Variants in INSC observed in about 807,000 individuals in gnomAD.
The protein encoded by INSC is INSC spindle orientation adaptor protein.
INSC carries 67 observed loss-of-function variants against 58.6 expected under a neutral mutation model. That is an observed-to-expected ratio of 1.14 (90% CI 0.94 to 1.40). The LOEUF is 1.40. Among genes scored for constraint, INSC ranks in the 40% most tolerant of loss-of-function variants. The pLI is 0.00. For synonymous variants in INSC, 262 were observed against 276.1 expected, an observed-to-expected ratio of 0.95 and a Z score of 0.51; for missense variants, 714 against 692.0, an observed-to-expected ratio of 1.03 and a Z score of -0.36.
intron 9 of INSC, among the ~76,000 whole-genome samples, chr11:15,229,958 A>ATATTT (rs1196715488): frequency 3.1e-5 from 1 of 32,216 alleles, no homozygotes; most frequent in African/African-American, 1.3e-4. Context: ...TTATATATAT[A>ATATTT]TTTATATATA....
At chr11:15,206,400 C>A (rs555410026) in intron 7 of INSC, among the ~76,000 whole-genome samples, 6 of 151,782 alleles carry the variant, frequency 4.0e-5, no homozygotes, top group African/African-American at 1.2e-4. Context: ...GGGAGCCACC[C>A]CAGCAGGGAG....
At chr11:15,179,683 G>A (rs1849693465) in intron 5 of INSC, among the ~76,000 whole-genome samples, 1 of 152,234 alleles carries the variant, frequency 6.6e-6, no homozygotes, top group African/African-American at 2.4e-5. Flanking sequence ...GGAAGGAAGG[G>A]CCACAGGCTG....
intron 6 of INSC, among the ~76,000 whole-genome samples, chr11:15,191,327 A>G (rs1188515704): frequency 1.3e-5 from 2 of 151,836 alleles, no homozygotes; most frequent in African/African-American, 4.8e-5. Flanking sequence ...TTCATTTCCC[A>G]CTTGAGACAG....
chr11:15,239,324 G>A (rs1304655917), intron 11 of INSC, among the ~76,000 whole-genome samples: 1 of 152,174 alleles, frequency 6.6e-6, no homozygotes, highest in Admixed American at 6.5e-5. Flanking sequence ...CCTGCAGACT[G>A]TTAATAAGAA....
At chr11:15,194,472 T>A (rs1850298497) in intron 6 of INSC, among the ~76,000 whole-genome samples, 2 of 152,210 alleles carry the variant, frequency 1.3e-5, no homozygotes, top group Non-Finnish European at 2.9e-5. Flanking sequence ...TACAAGTAGT[T>A]CTGAAGCATG....
At chr11:15,154,811 T>TC (rs1360881619) in intron 2 of INSC, among the ~76,000 whole-genome samples, 1 of 151,976 alleles carries the variant, frequency 6.6e-6, no homozygotes, top group African/African-American at 2.4e-5. Context: ...CCCTTTTTTT[T>TC]TGGACAAAAA....
At chr11:15,143,799 T>A (rs1848428807) in intron 1 of INSC, among the ~76,000 whole-genome samples, 1 of 152,126 alleles carries the variant, frequency 6.6e-6, no homozygotes, top group Admixed American at 6.5e-5. Flanking sequence ...GTATCCAGGA[T>A]AAGTCTCAGG....
intron 1 of INSC, among the ~76,000 whole-genome samples, chr11:15,146,219 A>G (rs1484750591): frequency 6.6e-6 from 1 of 152,258 alleles, no homozygotes. Context: ...CCTTCCAGAT[A>G]TTCTTCCTCA....
chr11:15,179,404 C>T (rs1849683688), intron 5 of INSC, among the ~76,000 whole-genome samples: 1 of 152,192 alleles, frequency 6.6e-6, no homozygotes, highest in African/African-American at 2.4e-5. Context: ...CAAATAAAAG[C>T]CTACCACAAA....
chr11:15,251,611 A>G (rs1852650281), downstream of INSC, among the ~76,000 whole-genome samples: 1 of 152,212 alleles, frequency 6.6e-6, no homozygotes, highest in Admixed American at 6.5e-5. Context: ...ATATCTCTCC[A>G]AAGGAGGCAT....
intron 6 of INSC, among the ~76,000 whole-genome samples, chr11:15,191,874 C>T (rs1057426397): frequency 1.3e-5 from 2 of 152,280 alleles, no homozygotes; most frequent in Non-Finnish European, 1.5e-5. Flanking sequence ...TCTGGGTCCT[C>T]TATTGTTTTT....
chr11:15,189,774 T>G (rs969357916), intron 5 of INSC, among the ~76,000 whole-genome samples: 16 of 152,238 alleles, frequency 1.1e-4, no homozygotes, highest in Admixed American at 9.2e-4. Flanking sequence ...AGTCTCTAAC[T>G]CCATTCTTTC....
intron 5 of INSC, among the ~76,000 whole-genome samples, chr11:15,180,304 G>T (rs1389696176): frequency 6.6e-6 from 1 of 151,482 alleles, no homozygotes; most frequent in East Asian, 1.9e-4. Flanking sequence ...AACAAAAAGG[G>T]CTGAAAAAGA....
intron 2 of INSC, among the ~76,000 whole-genome samples, chr11:15,163,819 C>T (rs1849100457): frequency 6.6e-6 from 1 of 152,220 alleles, no homozygotes; most frequent in East Asian, 1.9e-4. Flanking sequence ...GTCTCGATCT[C>T]CTGACCTCAT....
intron 9 of INSC, 68 bp downstream of exon 9, chr11:15,225,896 C>A: frequency 1.3e-6 from 2 of 1,491,302 alleles, no homozygotes; most frequent in Non-Finnish European, 1.8e-6. Context: ...GAGGCCAGCA[C>A]GTAGTTTCTG....
At chr11:15,260,751 T>G in the INSC span, among the ~76,000 whole-genome samples, 2 of 152,200 alleles carry the variant, frequency 1.3e-5, no homozygotes, top group Admixed American at 6.5e-5. Context: ...CTTTGAGACA[T>G]GCACATCTAG....
the INSC span, among the ~76,000 whole-genome samples, chr11:15,261,500 C>T: frequency 1.3e-5 from 2 of 152,222 alleles, no homozygotes; most frequent in South Asian, 4.1e-4. Context: ...AAATTAAGCA[C>T]CTATTTTGAA....
chr11:15,176,835 T>G (rs1849589265), intron 3 of INSC, among the ~76,000 whole-genome samples: 1 of 152,208 alleles, frequency 6.6e-6, no homozygotes, highest in Admixed American at 6.5e-5. Context: ...AAACTTCTCT[T>G]CATTCTTCAA....
In INSC at chr11:15,190,745, A is replaced by G. The variant is rs1219955633; in HGVS notation, c.624A>G (p.Thr208=). 1 of 1,613,976 alleles carries G rather than the reference A, an allele frequency of 6.2e-7. No homozygotes were observed. Among genetic ancestry groups the G allele is most frequent in the Admixed American group, 1.7e-5 (1 of 60,018 alleles). The change falls in exon 6 of 13, where the codon ACA becomes ACG. Residue 208 remains threonine, a synonymous_variant. Transcript: ENST00000379556. The stretch of plus-strand genomic sequence containing the variant: ...ATGCCTCAGACAATATCTACACCAC[A>G]GAGTCCACCACAGGGAACCTGTTCA... ...KIDASDNIYT[T]ESTTGNLFSL... is the part of the protein sequence containing the mutation.
Sources: allele counts gnomAD v4.1 joint callset (sites outside exome capture counted in the v4.1 genomes callset), GRCh38; gene constraint gnomAD v4.1.1; transcripts MANE v1.5; gene names NCBI Gene and HGNC (gene_info 2026-07-23, HGNC 2026-07-21).